The following SRRT variants were observed in gnomAD, a reference collection of about 807,000 sequenced individuals.
SRRT encodes serrate RNA effector molecule homolog.
In SRRT, 32 loss-of-function variants were observed where a neutral mutation model predicts 103.2. The ratio of observed to expected loss-of-function variants is 0.31; its 90% CI spans 0.23 to 0.42. The LOEUF (loss-of-function observed/expected upper bound fraction) is 0.42. SRRT is among the 10% of genes least tolerant of loss of function. The pLI is 1.00. For missense variants in SRRT, 986 were observed against 1,207.5 expected (o/e 0.82, Z 2.72); for synonymous variants, 525 against 449.0 (o/e 1.17, Z -2.14).
rs924582635 is a variant in SRRT at position 100,887,941 on chromosome 7, C to G, written c.2326+82C>G. ...CCTGTTTCTCTTTAACGTGTCACCC[C>G]GAGAAGTTTCTGCCCCATCCTCAGG... On this transcript the variant is annotated intron_variant, in intron 17 of 19. Coordinates refer to ENST00000611405, the MANE Select transcript of SRRT (RefSeq NM_015908.6). The surrounding 1 kb of genome is among the most constrained non-coding windows in gnomAD (Gnocchi z 4.1). The G allele has an allele frequency of 1.2e-5, 18 of 1,543,776 alleles. No individual in the cohort carries two copies. The highest frequency in any genetic ancestry group is 2.3e-4 in the Middle Eastern group (1 of 4,330).
Position 100,885,391 on chromosome 7 carries a change from T to G in SRRT, c.1317+21T>G. On this transcript the variant is annotated intron_variant, in intron 10 of 19. Transcript: ENST00000611405. The surrounding 1 kb of genome is among the most constrained non-coding windows in gnomAD (Gnocchi z 4.8). The stretch of plus-strand genomic sequence containing the variant: ...TCTCCGTGAGTGGGGACCCGTGGAG[T>G]CAGGGCAGGGCTGATGGAGAAGTGG... 3 of 1,607,740 alleles carry G rather than the reference T, an allele frequency of 1.9e-6. No homozygotes were observed. The highest frequency in any genetic ancestry group is 2.6e-6 in the Non-Finnish European group (3 of 1,175,816).
Position 100,887,548 on chromosome 7 carries a change from G to A in SRRT, c.2169+35G>A, listed in dbSNP as rs772054405. 4.4e-6 allele frequency: 7 copies of A among 1,606,084 alleles called. No individual in the cohort carries two copies. The highest frequency in any genetic ancestry group is 1.8e-4 in the Middle Eastern group (1 of 5,678). ...GTTGGAGAATGGCCGTGCTACGGTG[G>A]TGGGAGGTGGGGTTGAGACAGGAAG... On this transcript the variant is annotated intron_variant, in intron 16 of 19. Transcript: ENST00000611405. This position sits in a 1 kb window ranked among gnomAD's most constrained non-coding sequence, Gnocchi z 4.1.
chr7:100,879,076 C>G (rs1256393407), intron 2 of SRRT, among the ~76,000 whole-genome samples: 1 of 152,118 alleles, frequency 6.6e-6, no homozygotes, highest in African/African-American at 2.4e-5. Flanking sequence ...CCACCTCAGC[C>G]TCCCGAGTAG....
chr7:100,875,211 C>G lies in SRRT; in HGVS notation c.-136C>G. ...TTGTTCGCCTCTCTTCGGCCCTCTACTCAAGAGCTCCGTCTCCGTCTCGCC... is the reference window on the plus strand; with the variant it reads ...TTGTTCGCCTCTCTTCGGCCCTCTAGTCAAGAGCTCCGTCTCCGTCTCGCC... On this transcript the variant is annotated 5_prime_UTR_variant, in exon 1 of 20. Transcript: ENST00000611405. 1 of 267,210 alleles carries G rather than the reference C, an allele frequency of 3.7e-6. No individual in the cohort carries two copies. Among genetic ancestry groups the G allele is most frequent in the Non-Finnish European group, 7.0e-6 (1 of 143,550 alleles). The allele number at this position is 267,210 out of a possible 1,614,324, so 16.6% of individuals were successfully genotyped here.
rs1280164970 is a variant in SRRT at position 100,884,968 on chromosome 7, G to A, written c.1087G>A (p.Asp363Asn). The A allele has an allele frequency of 6.2e-7, 1 of 1,614,138 alleles. No individual in the cohort carries two copies. Among genetic ancestry groups the A allele is most frequent in the Non-Finnish European group, 8.5e-7 (1 of 1,180,026 alleles). Residue 363 changes from aspartate (D) to asparagine (N), a missense_variant, in exon 9 of 20, where the codon GAC becomes AAC. Asp to Asn is a conservative substitution (Grantham distance 23, BLOSUM62 1). Around this residue, in one of 6 missense-constraint regions of SRRT, gnomAD observed 166 missense variants for 148.6 expected, o/e 1.12. Coordinates refer to ENST00000611405, the MANE Select transcript of SRRT (RefSeq NM_015908.6). ...GAAGCACAGTGGTGACGACAGCTTT[G>A]ACGAGGGCAGCGTGTCAGAGTCTGA... Reference protein sequence around the residue: ...NRKHSGDDSFDEGSVSESESE... With the variant: ...NRKHSGDDSFNEGSVSESESE...
At chr7:100,875,760 T>A in intron 2 of SRRT, 48 bp downstream of exon 2, 1 of 1,605,460 alleles carries the variant, frequency 6.2e-7, no homozygotes, top group Non-Finnish European at 8.5e-7. Context: ...GCCGTTTCAC[T>A]CCACCCGCGT....
chr7:100,884,208 A>G lies in SRRT; in HGVS notation c.726A>G (p.Lys242=), dbSNP rs763265711. 3.7e-6 allele frequency: 6 copies of G among 1,614,124 alleles called. No homozygotes were observed. The highest frequency in any genetic ancestry group is 8.5e-7 in the Non-Finnish European group (1 of 1,180,026). Reference sequence around the variant, plus strand: ...ATAACCTTCTCCTGGACATAGACAAAGCTGATGCCATTGTCAAGATGCTGG... The same window carrying G: ...ATAACCTTCTCCTGGACATAGACAAGGCTGATGCCATTGTCAAGATGCTGG... ...WFDNLLLDID[K]ADAIVKMLDA... The change falls in exon 6 of 20, where the codon AAA becomes AAG. Residue 242 remains lysine (K), a synonymous_variant. Coordinates refer to ENST00000611405, the MANE Select transcript of SRRT (RefSeq NM_015908.6).
intron 2 of SRRT, among the ~76,000 whole-genome samples, chr7:100,876,687 GT>G (rs765069521): frequency 1.3e-5 from 2 of 152,202 alleles, no homozygotes; most frequent in Non-Finnish European, 2.9e-5. Context: ...ACCTTAGGGT[GT>G]TACAGTGAGC....
chr7:100,879,825 AAG>A (rs1157188990), intron 2 of SRRT, among the ~76,000 whole-genome samples: 126 of 142,078 alleles, frequency 8.9e-4, no homozygotes, highest in East Asian at 6.5e-4. Flanking sequence ...AAAAAAAAAA[AAG>A]AAGAAGAAGA....
intron 2 of SRRT, among the ~76,000 whole-genome samples, chr7:100,878,404 C>T (rs1488849905): frequency 1.3e-5 from 2 of 151,916 alleles, no homozygotes; most frequent in Non-Finnish European, 2.9e-5. Context: ...GTGAGATAGG[C>T]AGTGATGCTG....
Position 100,875,657 on chromosome 7 carries a change from T to C in SRRT, c.67T>C (p.Tyr23His), listed in dbSNP as rs1280975775. The change falls in exon 2 of 20, where the codon TAC (tyrosine) becomes CAC (histidine). Residue 23 changes from tyrosine to histidine, a missense_variant. Coordinates refer to ENST00000611405, the MANE Select transcript of SRRT (RefSeq NM_015908.6). ...CAAGTTCAGAAGAGAGCGCAGCGAC[T>C]ACGACCGTTCCCGCGAGAGAGATGA... is the stretch of plus-strand genomic sequence containing the variant. ...RDKFRRERSD[Y>H]DRSRERDERR... 6.2e-7 allele frequency: 1 copy of C among 1,614,000 alleles called. No individual in the cohort carries two copies. Among genetic ancestry groups the C allele is most frequent in the African/African-American group, 1.3e-5 (1 of 74,928 alleles).
At chr7:100,876,183 G>T (rs1407276693) in intron 2 of SRRT, among the ~76,000 whole-genome samples, 1 of 152,168 alleles carries the variant, frequency 6.6e-6, no homozygotes, top group Non-Finnish European at 1.5e-5. Context: ...ACAGAGTCTT[G>T]CCCTGTCGCC....
In SRRT at chr7:100,881,773, C is replaced by T. The variant is rs1314698147; in HGVS notation, c.366C>T (p.Ile122=). The T allele has an allele frequency of 1.2e-6, 2 of 1,613,012 alleles. No homozygotes were observed. The highest frequency in any genetic ancestry group is 4.5e-5 in the East Asian group (2 of 44,862). ...PQPWGHPDVH[I]MQHHVLPIQA... ...CCTGGGGCCACCCTGACGTCCACAT[C>T]ATGCAGCACCATGTCCTGCCTATCC... is the stretch of plus-strand genomic sequence containing the variant. The change falls in exon 4 of 20, where the codon ATC becomes ATT. Residue 122 remains isoleucine, a synonymous_variant. Transcript: ENST00000611405.
rs1221010573 is a variant in SRRT, at chr7:100,882,589, C to G, written c.587+348C>G. On this transcript the variant is annotated intron_variant, in intron 5 of 19. Transcript: ENST00000611405. This position sits in a 1 kb window ranked among gnomAD's most constrained non-coding sequence, Gnocchi z 4.2. The stretch of plus-strand genomic sequence containing the variant: ...CAGGACCCTGTGTGGCTGTGGCGTC[C>G]TCCTAAAGCGACGAGTGAATCCAGA... 1 of 203,884 alleles carries G rather than the reference C, an allele frequency of 4.9e-6. No homozygotes were observed. Among genetic ancestry groups the G allele is most frequent in the African/African-American group, 2.3e-5 (1 of 43,294 alleles). The allele number at this position is 203,884 out of a possible 1,614,324, so 12.6% of individuals were successfully genotyped here.
Position 100,882,129 on chromosome 7 carries a change from C to T in SRRT, c.475C>T (p.Leu159=), listed in dbSNP as rs1448295422. ...MKTFKEFLLS[L]DDSVDETEAV... ...GACCTTCAAGGAGTTTCTCCTCTCC[C>T]TGGATGACTCGGTGGATGAGACGGA... Residue 159 remains leucine (L), a synonymous_variant, in exon 5 of 20, where the codon CTG becomes TTG. Transcript: ENST00000611405. The surrounding 1 kb of genome is among the most constrained non-coding windows in gnomAD (Gnocchi z 4.2). 5 of 1,614,164 alleles carry T rather than the reference C, an allele frequency of 3.1e-6. No individual in the cohort carries two copies. Among genetic ancestry groups the T allele is most frequent in the Admixed American group, 1.7e-5 (1 of 60,020 alleles).
At position 100,875,579 on chromosome 7, in the gene SRRT, T is replaced by G. The variant is rs761168914; in HGVS notation, c.-12T>G. 6.2e-7 allele frequency: 1 copy of G among 1,613,698 alleles called. No individual in the cohort carries two copies. On this transcript the variant is annotated 5_prime_UTR_variant, in exon 2 of 20. Transcript: ENST00000611405. Reference sequence around the variant, plus strand: ...GCCTCTCCCCGGTCCCCAGGCCCCCTCAGACCGTGCCATGGGTGACAGTGA... The same window carrying G: ...GCCTCTCCCCGGTCCCCAGGCCCCCGCAGACCGTGCCATGGGTGACAGTGA...
chr7:100,878,932 T>C (rs542190908), intron 2 of SRRT, among the ~76,000 whole-genome samples: 17 of 152,106 alleles, frequency 1.1e-4, no homozygotes, highest in African/African-American at 2.9e-4. Context: ...TTCCTTCCTT[T>C]CTTTCTTTTT....
rs1268650684 is a variant in SRRT at position 100,880,561 on chromosome 7, TC to T, written c.123-721del. The T allele has an allele frequency of 3.6e-5, 8 of 221,436 alleles. No homozygotes were observed. The East Asian group carries it at 1.3e-3, about 36-fold the overall frequency. The allele number at this position is 221,436 out of a possible 1,614,324, so 13.7% of individuals were successfully genotyped here. ...ACCTCGTGATCCGCCCGCCTCGGCC[TC>T]CCAGAGTGCTGGGATTACAGGCGTG... On this transcript the variant is annotated intron_variant, in intron 2 of 19. Transcript: ENST00000611405.
In SRRT at chr7:100,884,976, C is replaced by T. The variant is rs200146086; in HGVS notation, c.1095C>T (p.Gly365=). 104 of 1,613,982 alleles carry T rather than the reference C, an allele frequency of 6.4e-5. No individual in the cohort carries two copies. The East Asian group carries it at 1.6e-3, about 25-fold the overall frequency. Residue 365 remains glycine (G), a synonymous_variant, in exon 9 of 20, where the codon GGC becomes GGT. Transcript: ENST00000611405. Reference sequence around the variant, plus strand: ...GTGGTGACGACAGCTTTGACGAGGGCAGCGTGTCAGAGTCTGAGTCGGAGT... The same window carrying T: ...GTGGTGACGACAGCTTTGACGAGGGTAGCGTGTCAGAGTCTGAGTCGGAGT... ...KHSGDDSFDE[G]SVSESESESE...
Sources: gnomAD v4.1 joint callset for allele counts (sites outside exome capture counted in the v4.1 genomes callset) on GRCh38, gnomAD v4.1.1 for gene constraint, gnomAD v4.1.1 regional missense constraint, Gnocchi (gnomAD v3.1) non-coding constraint, MANE v1.5 for transcripts, NCBI Gene and HGNC (gene_info 2026-07-23, HGNC 2026-07-21) for gene names.